HDX: variants seen among roughly 807,000 people sequenced by gnomAD.
HDX encodes the protein highly divergent homeobox.
In HDX, 19 loss-of-function variants were observed where a neutral mutation model predicts 45.2. That is an observed-to-expected ratio of 0.42 (90% CI 0.29 to 0.62). HDX has a LOEUF of 0.62. HDX is among the 20% of genes least tolerant of loss of function. HDX has a pLI of 0.20. For missense variants in HDX, 532 were observed against 493.9 expected (o/e 1.08, Z -0.73); for synonymous variants, 188 against 172.8 (o/e 1.09, Z -0.69).
intron 7 of HDX, among the ~76,000 whole-genome samples, chrX:84,337,862 A>T (rs189961427): frequency 7.3e-4 from 81 of 111,248 alleles, no homozygotes; most frequent in Non-Finnish European, 1.4e-3. Flanking sequence ...GAGCTAGGGG[A>T]ACTGGTCGGT....
intron 2 of HDX, 65 bp from the exon 3 acceptor site, chrX:84,475,462 C>A: frequency 1.5e-6 from 1 of 653,739 alleles, no homozygotes. Flanking sequence ...AATTTGTACA[C>A]CTATTTTTTT....
In HDX at chrX:84,318,920, T is replaced by A. The variant is rs181196738; in HGVS notation, c.*2969A>T. On this transcript the variant is annotated 3_prime_UTR_variant, in exon 11 of 11. Transcript: ENST00000373177. ...CTTTTAAGGTTTTCTTTGCATGTGCTAATTTTCCTATTCTCCAGAGCAATT... is the reference window on the plus strand; with the variant it reads ...CTTTTAAGGTTTTCTTTGCATGTGCAAATTTTCCTATTCTCCAGAGCAATT... 9.0e-6 allele frequency: 1 copy of A among 111,371 alleles called. No individual in the cohort carries two copies. 9.2% of individuals were successfully genotyped at this position (111,371 alleles called of 1,213,427 possible). A position where few individuals can be genotyped will look rare whatever the true frequency, so the allele number is the denominator to read the frequency against.
At chrX:84,424,591 T>C (rs748286980) in intron 5 of HDX, among the ~76,000 whole-genome samples, 1 of 111,504 alleles carries the variant, frequency 9.0e-6, no homozygotes, top group South Asian at 3.7e-4. Context: ...TAAAAGAGCA[T>C]GTTACTGGCA....
intron 5 of HDX, among the ~76,000 whole-genome samples, chrX:84,417,176 A>G (rs2039124902): frequency 9.5e-6 from 1 of 104,917 alleles, no homozygotes; most frequent in African/African-American, 3.5e-5. Flanking sequence ...GAAAGAATGA[A>G]AGAAAGAAAG....
Position 84,469,183 on chromosome X carries a change from T to C in HDX, c.540A>G (p.Thr180=), listed in dbSNP as rs762101806. ...GEKTIILSRQ[T]SVLNAGNSVF... is the part of the protein sequence containing the mutation. ...CTGAGTTTCCAGCATTTAGCACACT[T>C]GTCTGTCTTGACAAAATAATTGTTT... is the stretch of plus-strand genomic sequence containing the variant. The change falls in exon 4 of 11, where the codon ACA becomes ACG. Residue 180 remains threonine, a synonymous_variant. Coordinates refer to ENST00000373177, the MANE Select transcript of HDX (RefSeq NM_001177479.2). 7 of 1,210,983 alleles carry C rather than the reference T, an allele frequency of 5.8e-6. No individual in the cohort carries two copies. The highest frequency in any genetic ancestry group is 5.6e-6 in the Non-Finnish European group (5 of 895,002).
At chrX:84,374,452 G>T (rs1352385049) in intron 5 of HDX, among the ~76,000 whole-genome samples, 1 of 110,549 alleles carries the variant, frequency 9.0e-6, no homozygotes, top group Admixed American at 9.7e-5. Flanking sequence ...GCATAGCCAA[G>T]ACAATCCTAA....
chrX:84,500,548 C>T (rs151084150), intron 1 of HDX, among the ~76,000 whole-genome samples: 1,155 of 110,090 alleles, frequency 0.01, 24 homozygotes, highest in African/African-American at 0.037. Flanking sequence ...CAATAATTGA[C>T]GTGGGAATTC....
At chrX:84,460,367 A>G (rs1296233037) in intron 4 of HDX, among the ~76,000 whole-genome samples, 2 of 112,374 alleles carry the variant, frequency 1.8e-5, no homozygotes, top group Non-Finnish European at 3.8e-5. Flanking sequence ...TTTATTGCAG[A>G]AACTTAAAGA....
chrX:84,361,447 A>T lies in HDX; in HGVS notation c.1452+19T>A, dbSNP rs766962616. On this transcript the variant is annotated intron_variant, in intron 6 of 10. Transcript: ENST00000373177. ...GCCATTCAGCAACTATAGCATGAAA[A>T]TTATAGAAAATGTCTTACCCGAACT... 2 of 1,195,271 alleles carry T rather than the reference A, an allele frequency of 1.7e-6. No individual in the cohort carries two copies. Among genetic ancestry groups the T allele is most frequent in the Non-Finnish European group, 2.3e-6 (2 of 883,587 alleles).
chrX:84,398,113 C>T (rs965434244), intron 5 of HDX, among the ~76,000 whole-genome samples: 2 of 109,027 alleles, frequency 1.8e-5, no homozygotes, highest in African/African-American at 3.3e-5. Context: ...TATATATATA[C>T]ACACACACAC....
At chrX:84,439,390 G>A (rs2039712749) in intron 5 of HDX, among the ~76,000 whole-genome samples, 1 of 108,239 alleles carries the variant, frequency 9.2e-6, no homozygotes, top group Non-Finnish European at 1.9e-5. Flanking sequence ...TTTTTGTTGT[G>A]CAGAAGCTCG....
intron 5 of HDX, among the ~76,000 whole-genome samples, chrX:84,371,773 TGAG>T (rs2037901195): frequency 9.0e-6 from 1 of 111,248 alleles, no homozygotes; most frequent in Middle Eastern, 4.2e-3. Flanking sequence ...ATGTGCTCTC[TGAG>T]GAGAATTATT....
At chrX:84,423,483 C>CAA (rs538893311) in intron 5 of HDX, among the ~76,000 whole-genome samples, 3,631 of 59,403 alleles carry the variant, frequency 0.061, 145 homozygotes, top group African/African-American at 0.11. Context: ...ACAGAAACAT[C>CAA]AAAAAAAAAA....
intron 4 of HDX, among the ~76,000 whole-genome samples, chrX:84,455,317 A>G (rs1190506502): frequency 8.9e-6 from 1 of 112,110 alleles, no homozygotes; most frequent in Non-Finnish European, 1.9e-5. Flanking sequence ...AAAGAAATTC[A>G]AGATAACACA....
At chrX:84,472,167 A>G (rs1464669091) in intron 3 of HDX, among the ~76,000 whole-genome samples, 2 of 110,252 alleles carry the variant, frequency 1.8e-5, no homozygotes, top group African/African-American at 6.6e-5. Flanking sequence ...ACCTTAACTC[A>G]GGAAGTTTAA....
chrX:84,460,163 C>T (rs940685802), intron 4 of HDX, among the ~76,000 whole-genome samples: 1 of 111,452 alleles, frequency 9.0e-6, no homozygotes, highest in Non-Finnish European at 1.9e-5. Context: ...ACGATAAGAA[C>T]ACACTTCCAA....
chrX:84,357,215 T>C (rs1488243621), intron 6 of HDX, among the ~76,000 whole-genome samples: 1 of 111,767 alleles, frequency 8.9e-6, no homozygotes, highest in Non-Finnish European at 1.9e-5. Context: ...GTGCATAAAA[T>C]AACCAATTCA....
chrX:84,344,203 A>G (rs1236973044), intron 7 of HDX, 47 bp downstream of exon 7: 1 of 996,146 alleles, frequency 1.0e-6, no homozygotes, highest in Non-Finnish European at 1.4e-6. Flanking sequence ...TACAAAATGC[A>G]TCAAATTTAC....
At chrX:84,431,039 G>A (rs771922338) in intron 5 of HDX, among the ~76,000 whole-genome samples, 2 of 110,286 alleles carry the variant, frequency 1.8e-5, no homozygotes, top group African/African-American at 6.6e-5. Context: ...CCTTCAAGTA[G>A]GTACTATTGT....
Sources: allele counts gnomAD v4.1 joint callset (sites outside exome capture counted in the v4.1 genomes callset), GRCh38; gene constraint gnomAD v4.1.1; transcripts MANE v1.5; gene names NCBI Gene and HGNC (gene_info 2026-07-23, HGNC 2026-07-21).